TJP2: variants seen among roughly 807,000 people sequenced by gnomAD.
TJP2 encodes Friedreich ataxia region gene X104 (tight junction protein ZO-2).
A neutral mutation model predicts 133.1 loss-of-function variants in TJP2; 91 were observed. The ratio of observed to expected loss-of-function variants is 0.68; its 90% CI spans 0.58 to 0.81. The LOEUF (loss-of-function observed/expected upper bound fraction) is 0.81, where lower values mean the gene tolerates loss of function less well. Ranked by LOEUF, TJP2 falls within the 40% of genes least tolerant of loss-of-function variation. TJP2 has a pLI of 0.00. For missense variants in TJP2, 1,541 were observed against 1,565.6 expected (o/e 0.98, Z 0.26); for synonymous variants, 592 against 583.4 (o/e 1.01, Z -0.21).
intron 1 of TJP2, among the ~76,000 whole-genome samples, chr9:69,187,221 A>C (rs1384360637): frequency 6.6e-6 from 1 of 152,212 alleles, no homozygotes; most frequent in Admixed American, 6.5e-5. Context: ...CATTTGGCTT[A>C]GTAGTAAGCT....
chr9:69,227,655 A>G, intron 7 of TJP2, 110 bp from the exon 8 acceptor site: 1 of 754,342 alleles, frequency 1.3e-6, no homozygotes, highest in Non-Finnish European at 2.2e-6. Context: ...TTTCCTGCCT[A>G]CCTCGTTTCC....
At chr9:69,218,137 A>G in intron 3 of TJP2, 120 bp from the exon 4 acceptor site, 1 of 823,482 alleles carries the variant, frequency 1.2e-6, no homozygotes. Context: ...GCGCCACTAG[A>G]CACTGAGCCC....
rs147786974 is a variant in TJP2 at position 69,239,454 on chromosome 9, A to G, written c.2356-483A>G. ...AAATAATGTGTTAATTCATTTTATC[A>G]GAAGTTCTAACACATTGGTAATATT... On this transcript the variant is annotated intron_variant, in intron 16 of 22. Coordinates refer to ENST00000377245, the MANE Select transcript of TJP2 (RefSeq NM_004817.4). Among the ~76,000 whole-genome samples, 921 of 152,300 alleles carry G rather than the reference A, an allele frequency of 6.0e-3. 9 individuals are homozygous for G. The highest frequency in any genetic ancestry group is 0.021 in the African/African-American group (870 of 41,558).
At chr9:69,156,526 T>A (rs1823769033) in intron 2 of TJP2, among the ~76,000 whole-genome samples, 2 of 3,556 alleles carry the variant, frequency 5.6e-4, no homozygotes, top group African/African-American at 3.6e-3. Context: ...ATGTAAGATT[T>A]TTTTTTTTTT....
chr9:69,123,169 C>G (rs1304091219), intron 1 of TJP2, among the ~76,000 whole-genome samples: 1 of 152,098 alleles, frequency 6.6e-6, no homozygotes, highest in South Asian at 2.1e-4. Flanking sequence ...CATTTCCATC[C>G]GGTTATGTAT....
At chr9:69,218,100 T>G (rs1216777509) in intron 3 of TJP2, among the ~76,000 whole-genome samples, 157 bp from the exon 4 acceptor site, 30 of 152,220 alleles carry the variant, frequency 2.0e-4, no homozygotes, top group Admixed American at 2.0e-3. Flanking sequence ...CTTTGGAAGA[T>G]CTCAGGCCAA....
At chr9:69,208,656 T>G (rs1166979114) in intron 1 of TJP2, among the ~76,000 whole-genome samples, 1 of 152,252 alleles carries the variant, frequency 6.6e-6, no homozygotes, top group Non-Finnish European at 1.5e-5. Context: ...ATTTTAAAAG[T>G]AATGTACTCA....
chr9:69,253,306 G>T, intron 22 of TJP2: 1 of 225,936 alleles, frequency 4.4e-6, no homozygotes, highest in Non-Finnish European at 8.8e-6. Context: ...CTGCCCTGGG[G>T]TCTAAAGGGA....
chr9:69,172,717 T>C (rs898634380), upstream of TJP2, among the ~76,000 whole-genome samples: 1 of 152,194 alleles, frequency 6.6e-6, no homozygotes, highest in African/African-American at 2.4e-5. Flanking sequence ...TATTTTATTT[T>C]TTTTTCCTTT....
intron 1 of TJP2, among the ~76,000 whole-genome samples, chr9:69,196,183 A>C (rs560040079): frequency 6.6e-6 from 1 of 152,172 alleles, no homozygotes; most frequent in South Asian, 2.1e-4. Flanking sequence ...TTTGGAAGGC[A>C]CAATAGGTGT....
At position 69,248,087 on chromosome 9, in the gene TJP2, G is replaced by A. The variant is rs981653228; in HGVS notation, c.2743G>A (p.Asp915Asn). ...TAMGADYLSCDSRLISDFEDT... is the reference protein window; with the variant it reads ...TAMGADYLSCNSRLISDFEDT... The stretch of plus-strand genomic sequence containing the variant: ...CATGGGCGCGGACTATCTGAGTTGC[G>A]ACAGCCGCCTCATCAGTGACTTTGA... Residue 915 changes from aspartate to asparagine, a missense_variant, in exon 19 of 23, where the codon GAC becomes AAC. By Grantham distance (23) the Asp-to-Asn change is conservative. Transcript: ENST00000377245. 3.1e-6 allele frequency: 5 copies of A among 1,613,986 alleles called. No homozygotes were observed. The highest frequency in any genetic ancestry group is 1.7e-5 in the Admixed American group (1 of 59,996).
At chr9:69,176,969 G>A (rs1000460672) in intron 1 of TJP2, among the ~76,000 whole-genome samples, 7 of 152,028 alleles carry the variant, frequency 4.6e-5, no homozygotes, top group African/African-American at 1.7e-4. Context: ...TTTGGGTGTG[G>A]TGGGGGCGGG....
intron 1 of TJP2, among the ~76,000 whole-genome samples, chr9:69,176,609 G>T (rs1348936354): frequency 6.6e-6 from 1 of 152,192 alleles, no homozygotes; most frequent in Non-Finnish European, 1.5e-5. Flanking sequence ...CTATTTTTGA[G>T]GCATTCATAG....
intron 2 of TJP2, among the ~76,000 whole-genome samples, chr9:69,153,645 A>G (rs568864272): frequency 1.3e-5 from 2 of 152,184 alleles, no homozygotes; most frequent in Non-Finnish European, 2.9e-5. Context: ...TGATTATTCA[A>G]ATAAATTGGA....
At chr9:69,185,063 CTT>C (rs10699607) in intron 1 of TJP2, among the ~76,000 whole-genome samples, 9 of 132,452 alleles carry the variant, frequency 6.8e-5, no homozygotes, top group Admixed American at 2.3e-4. Context: ...AGACTGATTT[CTT>C]TTTTTTTTTT....
chr9:69,252,737 A>G, intron 21 of TJP2, 78 bp from the exon 22 acceptor site: 1 of 1,352,168 alleles, frequency 7.4e-7, no homozygotes, highest in Non-Finnish European at 1.1e-6. Context: ...AAAGGGTGGG[A>G]CCAGCAGGAA....
chr9:69,129,846 GTC>G (rs1373328084), intron 1 of TJP2, among the ~76,000 whole-genome samples: 1 of 151,794 alleles, frequency 6.6e-6, no homozygotes, highest in Non-Finnish European at 1.5e-5. Flanking sequence ...GTGAAACCCT[GTC>G]TCTACTAAAA....
At chr9:69,174,167 G>A (rs1482372385), upstream of TJP2, 2 of 1,288,426 alleles carry the variant, frequency 1.6e-6, no homozygotes, top group East Asian at 6.5e-5. Context: ...CGGCCAGCGC[G>A]GAGGCGCCAC....
At chr9:69,188,668 G>A (rs1172945077) in intron 1 of TJP2, among the ~76,000 whole-genome samples, 1 of 152,160 alleles carries the variant, frequency 6.6e-6, no homozygotes, top group Non-Finnish European at 1.5e-5. Context: ...TACTGTATGA[G>A]ACCCCAAAGA....
Sources: gnomAD v4.1 joint callset for allele counts (sites outside exome capture counted in the v4.1 genomes callset) on GRCh38, gnomAD v4.1.1 for gene constraint, MANE v1.5 for transcripts, NCBI Gene and HGNC (gene_info 2026-07-23, HGNC 2026-07-21) for gene names.